Variants in LRP1B observed in about 807,000 individuals in gnomAD.
LRP1B encodes the protein LDL receptor related protein 1B.
LRP1B carries 217 observed loss-of-function variants against 556.6 expected under a neutral mutation model. The ratio of observed to expected loss-of-function variants is 0.39; its 90% CI spans 0.35 to 0.44. The LOEUF is 0.44. LRP1B is among the 20% of genes least tolerant of loss of function. LRP1B has a pLI of 1.00. For missense variants in LRP1B, 5,053 were observed against 5,620.8 expected (o/e 0.90, Z 3.23); for synonymous variants, 2,047 against 1,865.8 (o/e 1.10, Z -2.50).
chr2:141,694,627 C>T (rs1318626372), intron 2 of LRP1B, among the ~76,000 whole-genome samples: 1 of 150,590 alleles, frequency 6.6e-6, no homozygotes, highest in Non-Finnish European at 1.5e-5. Context: ...AATTTGGGCT[C>T]ATGATCATTC....
intron 3 of LRP1B, among the ~76,000 whole-genome samples, chr2:141,385,594 G>A (rs543653453): frequency 2.0e-5 from 2 of 101,654 alleles, no homozygotes; most frequent in Admixed American, 2.4e-4. Flanking sequence ...AAAACCAAAA[G>A]GTGACTTCTA....
chr2:140,784,622 G>A (rs1340552181), intron 32 of LRP1B, among the ~76,000 whole-genome samples: 2 of 151,362 alleles, frequency 1.3e-5, no homozygotes, highest in Non-Finnish European at 2.9e-5. Context: ...AGAAGCAGCA[G>A]CAAAAATAGA....
intron 1 of LRP1B, among the ~76,000 whole-genome samples, chr2:141,968,427 C>A (rs1701625293): frequency 6.6e-6 from 1 of 151,412 alleles, no homozygotes; most frequent in Non-Finnish European, 1.5e-5. Flanking sequence ...TAAATTCCTT[C>A]ATTTTTTTTG....
intron 1 of LRP1B, among the ~76,000 whole-genome samples, chr2:142,125,162 C>T (rs1707597485): frequency 6.6e-6 from 1 of 151,604 alleles, no homozygotes; most frequent in Non-Finnish European, 1.5e-5. Flanking sequence ...AAAGGGAGGC[C>T]ATCTGATCAT....
At chr2:141,096,343 T>A (rs1399479969) in intron 7 of LRP1B, among the ~76,000 whole-genome samples, 3 of 151,978 alleles carry the variant, frequency 2.0e-5, no homozygotes, top group African/African-American at 7.2e-5. Context: ...ATCCCAGCAC[T>A]TCGGGAGGCT....
intron 2 of LRP1B, among the ~76,000 whole-genome samples, chr2:141,722,265 C>T (rs1330098618): frequency 6.6e-6 from 1 of 152,088 alleles, no homozygotes; most frequent in Non-Finnish European, 1.5e-5. Flanking sequence ...GTAATCACGG[C>T]TGCTCAGGAC....
At position 141,226,402 on chromosome 2, in the gene LRP1B, A is replaced by AT. The variant is rs573323969; in HGVS notation, c.850+2780dup. On this transcript the variant is annotated intron_variant, in intron 6 of 90. Coordinates refer to ENST00000389484, the MANE Select transcript of LRP1B (RefSeq NM_018557.3). ...GGTATCCAGTGAGATGAGACGTGCA[A>AT]TTTTTTTAAAATATTGCAATAAAAT... Among the ~76,000 whole-genome samples the AT allele has an allele frequency of 2.0e-3, 304 of 152,248 alleles. 1 individual carries two copies. The highest frequency in any genetic ancestry group is 3.5e-3 in the Non-Finnish European group (236 of 68,032).
intron 32 of LRP1B, among the ~76,000 whole-genome samples, chr2:140,806,373 G>A (rs2105019973): frequency 6.6e-6 from 1 of 152,038 alleles, no homozygotes; most frequent in Non-Finnish European, 1.5e-5. Context: ...AAATATCATG[G>A]CAAATACAAC....
At chr2:140,521,532 C>T (rs1385775) in intron 49 of LRP1B, among the ~76,000 whole-genome samples, 78,122 of 151,678 alleles carry the variant, frequency 0.52, 20,486 homozygotes, top group Middle Eastern at 0.72. Context: ...AGAAGAGAGC[C>T]TGAGGGGGTT....
intron 10 of LRP1B, among the ~76,000 whole-genome samples, chr2:141,052,490 T>C (rs1356794288): frequency 6.6e-6 from 1 of 152,058 alleles, no homozygotes; most frequent in Non-Finnish European, 1.5e-5. Context: ...TGCTTACCTA[T>C]TGTTGGATAG....
chr2:141,936,631 C>T (rs980942721), intron 1 of LRP1B, among the ~76,000 whole-genome samples: 10 of 152,142 alleles, frequency 6.6e-5, no homozygotes, highest in African/African-American at 1.7e-4. Context: ...CAAACTAATA[C>T]GTATGGTAAT....
intron 18 of LRP1B, among the ~76,000 whole-genome samples, chr2:140,956,959 T>A (rs1359136722): frequency 6.6e-6 from 1 of 151,704 alleles, no homozygotes; most frequent in African/African-American, 2.4e-5. Flanking sequence ...GCCTTAGAAA[T>A]ATACCACCCA....
intron 1 of LRP1B, among the ~76,000 whole-genome samples, chr2:141,999,869 A>G (rs1188772543): frequency 6.6e-6 from 1 of 151,832 alleles, no homozygotes; most frequent in Non-Finnish European, 1.5e-5. Context: ...GGTCAATGAT[A>G]CAAACTCCCT....
At chr2:141,321,678 G>A (rs937630397) in intron 3 of LRP1B, among the ~76,000 whole-genome samples, 3 of 152,056 alleles carry the variant, frequency 2.0e-5, no homozygotes, top group African/African-American at 4.8e-5. Flanking sequence ...TCATGGAAGT[G>A]CATGGCACCA....
intron 41 of LRP1B, among the ~76,000 whole-genome samples, chr2:140,628,364 A>G (rs1035664958): frequency 2.6e-5 from 4 of 151,940 alleles, no homozygotes; most frequent in Non-Finnish European, 5.9e-5. Context: ...CCCGTCTCCA[A>G]TAAAAACACA....
At chr2:140,574,429 A>T (rs184799717) in intron 43 of LRP1B, among the ~76,000 whole-genome samples, 1 of 152,170 alleles carries the variant, frequency 6.6e-6, no homozygotes, top group Non-Finnish European at 1.5e-5. Context: ...TGGCATGAAC[A>T]TCTGCACAAA....
At chr2:140,633,663 G>T (rs528623039) in intron 41 of LRP1B, among the ~76,000 whole-genome samples, 7 of 152,022 alleles carry the variant, frequency 4.6e-5, no homozygotes, top group Admixed American at 2.0e-4. Flanking sequence ...GACATTGAAA[G>T]AATAATAATG....
intron 77 of LRP1B, among the ~76,000 whole-genome samples, chr2:140,343,970 A>G (rs1188278316): frequency 6.6e-6 from 1 of 151,698 alleles, no homozygotes; most frequent in Non-Finnish European, 1.5e-5. Flanking sequence ...TTAGATGACC[A>G]TATGGAAAGA....
At chr2:141,396,166 T>C (rs995117986) in intron 3 of LRP1B, among the ~76,000 whole-genome samples, 2 of 152,096 alleles carry the variant, frequency 1.3e-5, no homozygotes, top group African/African-American at 4.8e-5. Context: ...AAAAATACAA[T>C]GAAATCAGAA....
Sources: gnomAD v4.1 joint callset for allele counts (sites outside exome capture counted in the v4.1 genomes callset) on GRCh38, gnomAD v4.1.1 for gene constraint, MANE v1.5 for transcripts, NCBI Gene and HGNC (gene_info 2026-07-23, HGNC 2026-07-21) for gene names.